PCDHA8: variants seen among roughly 807,000 people sequenced by gnomAD.
PCDHA8 encodes protocadherin alpha 8.
PCDHA8 carries 53 observed loss-of-function variants against 61.8 expected under a neutral mutation model. The observed-to-expected ratio is 0.86, with a 90% CI of 0.69 to 1.08. PCDHA8 has a LOEUF of 1.08. Among genes scored for constraint, PCDHA8 ranks in the 50% least tolerant of loss-of-function variants. The pLI is 0.00. For synonymous variants in PCDHA8, 618 were observed against 556.6 expected, an observed-to-expected ratio of 1.11 and a Z score of -1.55; for missense variants, 1,293 against 1,245.0, an observed-to-expected ratio of 1.04 and a Z score of -0.58.
intron 1 of PCDHA8, among the ~76,000 whole-genome samples, chr5:140,917,662 C>T (rs1554198266): frequency 6.6e-6 from 1 of 152,118 alleles, no homozygotes; most frequent in Admixed American, 6.6e-5. Flanking sequence ...AGTAGGAAGT[C>T]CTTTCTCCAT....
chr5:140,920,485 A>G (rs1366888817), intron 1 of PCDHA8, among the ~76,000 whole-genome samples: 3 of 152,164 alleles, frequency 2.0e-5, no homozygotes, highest in Admixed American at 6.5e-5. Context: ...TTTTTGGTCC[A>G]ACAATAGAGT....
chr5:140,968,107 G>A (rs200195064), intron 1 of PCDHA8: 58 of 1,613,992 alleles, frequency 3.6e-5, no homozygotes, highest in African/African-American at 5.3e-5. Context: ...GGGGAATACC[G>A]CAGCTCACAT....
intron 1 of PCDHA8, among the ~76,000 whole-genome samples, chr5:140,954,517 A>G (rs1554221451): frequency 6.6e-6 from 1 of 152,182 alleles, no homozygotes; most frequent in Non-Finnish European, 1.5e-5. Flanking sequence ...TTACCTAATG[A>G]TCAGTGATGT....
chr5:140,989,552 G>A (rs975079697), intron 3 of PCDHA8, among the ~76,000 whole-genome samples: 33 of 152,180 alleles, frequency 2.2e-4, no homozygotes, highest in African/African-American at 7.7e-4. Context: ...ATTCCTTTAC[G>A]TTTTGTGGCT....
chr5:140,868,748 T>C (rs991826043), intron 1 of PCDHA8: 2 of 213,606 alleles, frequency 9.4e-6, no homozygotes, highest in Non-Finnish European at 1.9e-5. Context: ...ACAATGCCAT[T>C]TCCATATATA....
intron 1 of PCDHA8, among the ~76,000 whole-genome samples, chr5:140,910,576 C>T (rs1305355365): frequency 6.6e-6 from 1 of 152,174 alleles, no homozygotes; most frequent in African/African-American, 2.4e-5. Context: ...TTTTCTGGAT[C>T]CTCCCAGCTG....
At chr5:140,998,300 G>C (rs1287043977) in intron 3 of PCDHA8, among the ~76,000 whole-genome samples, 1 of 152,194 alleles carries the variant, frequency 6.6e-6, no homozygotes, top group Non-Finnish European at 1.5e-5. Context: ...CACACATTTA[G>C]TAAGGGCACC....
chr5:140,953,553 C>T (rs1364050066), intron 1 of PCDHA8, among the ~76,000 whole-genome samples: 1 of 152,060 alleles, frequency 6.6e-6, no homozygotes, highest in East Asian at 1.9e-4. Flanking sequence ...TTCTTTTCTC[C>T]AAGTTTTAGT....
intron 1 of PCDHA8, chr5:140,966,556 A>C (rs2096021446): frequency 8.5e-6 from 4 of 469,720 alleles, no homozygotes; most frequent in Admixed American, 8.7e-5. Context: ...CGAGCGGAGG[A>C]GCTGGAATAT....
chr5:140,930,766 T>C (rs1476506441), intron 1 of PCDHA8, among the ~76,000 whole-genome samples: 1 of 152,240 alleles, frequency 6.6e-6, no homozygotes, highest in Admixed American at 6.5e-5. Context: ...AAATTTTCTG[T>C]ACTTAATATT....
rs782568790 is a variant in PCDHA8 at position 140,856,315 on chromosome 5, T to C, written c.2394+12600T>C. On this transcript the variant is annotated intron_variant, in intron 1 of 3. Transcript: ENST00000531613. ...GCATTTTGTTTGTGAATTCTCGGAT[T>C]GACCGCGAGGAGCTGTGCGGGCGGA... 131 of 1,598,516 alleles carry C rather than the reference T, an allele frequency of 8.2e-5. 15 individuals are homozygous for C. The highest frequency in any genetic ancestry group is 1.9e-4 in the Admixed American group (11 of 59,298).
At chr5:140,942,543 G>C (rs1272048967) in intron 1 of PCDHA8, among the ~76,000 whole-genome samples, 1 of 152,056 alleles carries the variant, frequency 6.6e-6, no homozygotes, top group Non-Finnish European at 1.5e-5. Flanking sequence ...GTATGGTGGG[G>C]GGTAGGGGGT....
chr5:141,002,234 C>G (rs2098067276), intron 3 of PCDHA8, among the ~76,000 whole-genome samples: 1 of 152,210 alleles, frequency 6.6e-6, no homozygotes, highest in Non-Finnish European at 1.5e-5. Context: ...TTTCTGGAAG[C>G]TCTTTATTAA....
intron 3 of PCDHA8, among the ~76,000 whole-genome samples, chr5:140,987,991 T>C (rs1243117535): frequency 6.6e-6 from 1 of 152,232 alleles, no homozygotes; most frequent in Non-Finnish European, 1.5e-5. Context: ...ACTCCATCTC[T>C]GATCCTTCCC....
chr5:140,871,635 A>G, intron 1 of PCDHA8: 1 of 1,364,150 alleles, frequency 7.3e-7, no homozygotes, highest in Non-Finnish European at 9.8e-7. Context: ...ATGTCTGTTC[A>G]TAAAATACCA....
In PCDHA8 at chr5:141,011,894, T is replaced by G. The variant is rs1303053966; in HGVS notation, c.*1957T>G. 6.5e-6 allele frequency: 1 copy of G among 153,306 alleles called. No homozygotes were observed. The highest frequency in any genetic ancestry group is 1.5e-5 in the Non-Finnish European group (1 of 68,044). The allele number at this position is 153,306 out of a possible 1,614,324, so 9.5% of individuals were successfully genotyped here. ...AATTTAGAAGTTTGATTAATTATAT[T>G]ATCTATTTAGGCATTAATATAAAAG... On this transcript the variant is annotated 3_prime_UTR_variant, in exon 4 of 4. Transcript: ENST00000531613.
Position 140,947,771 on chromosome 5 carries a change from T to C in PCDHA8, c.2395-31178T>C, listed in dbSNP as rs1167163964. ...TATTTTATGGTTTAAAAAATTCTAT[T>C]GTAAATGGATTTTAAACAGACTTTT... On this transcript the variant is annotated intron_variant, in intron 1 of 3. Transcript: ENST00000531613. 2.6e-5 allele frequency among the ~76,000 whole-genome samples: 4 copies of C among 151,706 alleles called. No individual in the cohort carries two copies. The East Asian group carries it at 5.8e-4, about 22-fold the overall frequency.
intron 1 of PCDHA8, among the ~76,000 whole-genome samples, chr5:140,948,089 G>A (rs1348120900): frequency 6.6e-6 from 1 of 151,454 alleles, no homozygotes; most frequent in African/African-American, 2.4e-5. Flanking sequence ...CTATTGATAT[G>A]AGCATATGAT....
At chr5:140,968,287 C>G (rs7712041) in intron 1 of PCDHA8, 1 of 1,613,902 alleles carries the variant, frequency 6.2e-7, no homozygotes, top group South Asian at 1.1e-5. Context: ...TGACCTACTC[C>G]CTTCTGGAGA....
Sources: gnomAD v4.1 joint callset for allele counts (sites outside exome capture counted in the v4.1 genomes callset) on GRCh38, gnomAD v4.1.1 for gene constraint, MANE v1.5 for transcripts, NCBI Gene and HGNC (gene_info 2026-07-23, HGNC 2026-07-21) for gene names.